The following SH3PXD2A variants were observed in gnomAD, a reference collection of about 807,000 sequenced individuals.
SH3PXD2A encodes SH3 and PX domains 2A, also known as SH3 and PX domain-containing protein 2A.
SH3PXD2A carries 32 observed loss-of-function variants against 115.2 expected under a neutral mutation model. The ratio of observed to expected loss-of-function variants is 0.28; its 90% CI spans 0.21 to 0.37. The LOEUF is 0.37. Ranked by LOEUF, SH3PXD2A falls within the 10% of genes least tolerant of loss-of-function variation. The pLI is 1.00. For synonymous variants in SH3PXD2A, 610 were observed against 629.1 expected (o/e 0.97, Z 0.45); for missense variants, 1,328 against 1,498.7 (o/e 0.89, Z 1.88).
At chr10:103,829,649 C>G (rs1264387963) in intron 1 of SH3PXD2A, among the ~76,000 whole-genome samples, 1 of 152,204 alleles carries the variant, frequency 6.6e-6, no homozygotes, top group Non-Finnish European at 1.5e-5. Context: ...GCCGCCTGTG[C>G]AGAGTTTATA....
In SH3PXD2A at chr10:103,597,333, T is replaced by TAGAA. The variant is rs1411781977; in HGVS notation, c.*4479_*4482dup. ...AAACTGAACTGAGGGCACCCAGTTT[T>TAGAA]AGAAAGATTCAAACATACACCAGAA... On this transcript the variant is annotated 3_prime_UTR_variant, in exon 15 of 15. Coordinates refer to ENST00000369774, the MANE Select transcript of SH3PXD2A (RefSeq NM_001394015.1). 1 of 152,290 alleles carries TAGAA rather than the reference T, an allele frequency of 6.6e-6. No homozygotes were observed. The highest frequency in any genetic ancestry group is 1.5e-5 in the Non-Finnish European group (1 of 68,048). 9.4% of individuals were successfully genotyped at this position (152,290 alleles called of 1,614,324 possible).
At chr10:103,692,928 C>A in intron 6 of SH3PXD2A, 100 bp downstream of exon 6, 2 of 957,216 alleles carry the variant, frequency 2.1e-6, no homozygotes, top group South Asian at 1.4e-5. Flanking sequence ...AAGGACAACC[C>A]CCCCCTCCCC....
At chr10:103,749,575 A>G (rs2038550035) in intron 3 of SH3PXD2A, among the ~76,000 whole-genome samples, 1 of 152,122 alleles carries the variant, frequency 6.6e-6, no homozygotes. Flanking sequence ...GCTGCCATCC[A>G]CTAACAGTGT....
chr10:103,663,703 G>A (rs970675684), intron 7 of SH3PXD2A, among the ~76,000 whole-genome samples: 2 of 152,348 alleles, frequency 1.3e-5, no homozygotes, highest in Non-Finnish European at 2.9e-5. Flanking sequence ...TCTGTAGGGG[G>A]AGGCTCCCTC....
intron 1 of SH3PXD2A, among the ~76,000 whole-genome samples, chr10:103,813,697 T>A (rs961931963): frequency 6.6e-6 from 1 of 152,218 alleles, no homozygotes; most frequent in African/African-American, 2.4e-5. Flanking sequence ...TGAGTCCTCT[T>A]AGCCAGTCCT....
At chr10:103,750,518 C>G (rs1395407389) in intron 3 of SH3PXD2A, among the ~76,000 whole-genome samples, 1 of 152,158 alleles carries the variant, frequency 6.6e-6, no homozygotes, top group Non-Finnish European at 1.5e-5. Flanking sequence ...GCCCAGACAC[C>G]CTGAATTGAA....
At chr10:103,744,230 C>T (rs963243603) in intron 3 of SH3PXD2A, among the ~76,000 whole-genome samples, 8 of 151,644 alleles carry the variant, frequency 5.3e-5, no homozygotes, top group Admixed American at 2.0e-4. Flanking sequence ...CTCGGCTCAC[C>T]GCAACCTCCA....
chr10:103,715,260 CG>C (rs1418020205), intron 5 of SH3PXD2A, among the ~76,000 whole-genome samples: 1 of 152,224 alleles, frequency 6.6e-6, no homozygotes, highest in Non-Finnish European at 1.5e-5. Flanking sequence ...ACATGTACCA[CG>C]GGGGCCTTGC....
At chr10:103,689,317 T>G (rs959765838) in intron 6 of SH3PXD2A, among the ~76,000 whole-genome samples, 4 of 151,864 alleles carry the variant, frequency 2.6e-5, no homozygotes, top group Non-Finnish European at 5.9e-5. Context: ...ATGGTGGAGG[T>G]GGGGAGACAG....
At chr10:103,828,819 C>A (rs1441556220) in intron 1 of SH3PXD2A, among the ~76,000 whole-genome samples, 2 of 152,248 alleles carry the variant, frequency 1.3e-5, no homozygotes, top group Non-Finnish European at 2.9e-5. Flanking sequence ...ACCTCTCCCC[C>A]AGCCCTAGTC....
At chr10:103,740,887 T>C (rs2038437339) in intron 3 of SH3PXD2A, among the ~76,000 whole-genome samples, 1 of 152,194 alleles carries the variant, frequency 6.6e-6, no homozygotes, top group Admixed American at 6.5e-5. Context: ...CTGGGCTCTG[T>C]TCCAGGCGCT....
intron 11 of SH3PXD2A, 80 bp from the exon 12 acceptor site, chr10:103,613,270 C>T: frequency 8.6e-7 from 1 of 1,162,524 alleles, no homozygotes. Context: ...ATCCATCTGG[C>T]CTTGCCCAGT....
rs761976124 is a variant in SH3PXD2A, at chr10:103,601,935, C to G, written c.3283G>C (p.Gly1095Arg). 1.2e-6 allele frequency: 2 copies of G among 1,614,096 alleles called. No homozygotes were observed. Among genetic ancestry groups the G allele is most frequent in the Non-Finnish European group, 8.5e-7 (1 of 1,179,976 alleles). ...GDEETAGFQE[G>R]VSMEVLERNP... is the part of the protein sequence containing the mutation. ...CTCTCCAGAACCTCCATGGACACCCCCTCCTGGAAGCCTGCTGTCTCCTCA... is the reference window on the plus strand; with the variant it reads ...CTCTCCAGAACCTCCATGGACACCCGCTCCTGGAAGCCTGCTGTCTCCTCA... The change falls in exon 15 of 15, where the codon GGG (glycine) becomes CGG (arginine). Residue 1095 changes from glycine (G) to arginine (R), a missense_variant. Around this residue, in one of 5 missense-constraint regions of SH3PXD2A, gnomAD observed 45 missense variants for 73.6 expected, o/e 0.61. Coordinates refer to ENST00000369774, the MANE Select transcript of SH3PXD2A (RefSeq NM_001394015.1).
At chr10:103,615,431 G>C (rs909052091) in intron 11 of SH3PXD2A, among the ~76,000 whole-genome samples, 5 of 151,916 alleles carry the variant, frequency 3.3e-5, no homozygotes, top group African/African-American at 1.2e-4. Context: ...AATGGAGAAT[G>C]AAATGACTCC....
At chr10:103,795,037 T>C (rs1011447121) in intron 2 of SH3PXD2A, among the ~76,000 whole-genome samples, 1 of 152,158 alleles carries the variant, frequency 6.6e-6, no homozygotes, top group Non-Finnish European at 1.5e-5. Flanking sequence ...CTCAAGCCTG[T>C]TGTGTGTTCA....
rs545506175 is a variant in SH3PXD2A at position 103,703,170 on chromosome 10, G to A, written c.399-10114C>T. ...TTGGCCTCTGTGGGAAAGAGGACTC[G>A]GAGGGCCCCACACTCCTCCCACACA... On this transcript the variant is annotated intron_variant, in intron 5 of 14. Coordinates refer to ENST00000369774, the MANE Select transcript of SH3PXD2A (RefSeq NM_001394015.1). Among the ~76,000 whole-genome samples the A allele has an allele frequency of 3.0e-4, 45 of 152,274 alleles. No individual in the cohort carries two copies. In the South Asian group the frequency reaches 7.1e-3, roughly 24 times the overall value.
intron 8 of SH3PXD2A, among the ~76,000 whole-genome samples, chr10:103,648,983 C>T (rs147129216): frequency 2.4e-4 from 36 of 152,326 alleles, no homozygotes; most frequent in Middle Eastern, 3.4e-3. Flanking sequence ...CAGGAGTCCA[C>T]GATCCCTGTG....
intron 5 of SH3PXD2A, among the ~76,000 whole-genome samples, chr10:103,695,012 T>C (rs1051823699): frequency 1.3e-5 from 2 of 152,140 alleles, no homozygotes; most frequent in African/African-American, 4.8e-5. Flanking sequence ...TATTAGATCG[T>C]AGCTGTGTCC....
chr10:103,779,009 T>C (rs149779195), intron 2 of SH3PXD2A, among the ~76,000 whole-genome samples: 40 of 152,338 alleles, frequency 2.6e-4, no homozygotes, highest in African/African-American at 9.6e-4. Context: ...GCCTGGCTCC[T>C]GGCAGAAGGA....
Sources: allele counts gnomAD v4.1 joint callset (sites outside exome capture counted in the v4.1 genomes callset), GRCh38; gene constraint gnomAD v4.1.1; regional missense constraint gnomAD v4.1.1; transcripts MANE v1.5; gene names NCBI Gene and HGNC (gene_info 2026-07-23, HGNC 2026-07-21).